The following PDE3A variants were observed in gnomAD, a reference collection of about 807,000 sequenced individuals.
PDE3A encodes phosphodiesterase 3A, also known as cGMP-inhibited 3',5'-cyclic phosphodiesterase 3A.
PDE3A carries 43 observed loss-of-function variants against 98.3 expected under a neutral mutation model. The ratio of observed to expected loss-of-function variants is 0.44; its 90% confidence interval spans 0.34 to 0.56. The LOEUF is 0.56. Ranked by LOEUF, PDE3A falls within the 20% of genes least tolerant of loss-of-function variation. PDE3A has a pLI of 0.01. For missense variants in PDE3A, 1,427 were observed against 1,440.7 expected, an observed-to-expected ratio of 0.99 and a Z score of 0.15; for synonymous variants, 663 against 567.9, an observed-to-expected ratio of 1.17 and a Z score of -2.38.
At chr12:20,534,149 G>A (rs1317126000) in intron 1 of PDE3A, among the ~76,000 whole-genome samples, 2 of 152,044 alleles carry the variant, frequency 1.3e-5, no homozygotes, top group Non-Finnish European at 2.9e-5. Context: ...TACTTTAAGG[G>A]TTATGATATT....
intron 15 of PDE3A, among the ~76,000 whole-genome samples, chr12:20,667,762 G>T (rs757409130): frequency 2.6e-5 from 4 of 152,072 alleles, no homozygotes; most frequent in Non-Finnish European, 5.9e-5. Flanking sequence ...CTCTTTTTTG[G>T]TTCCATAGAG....
At chr12:20,530,688 C>A (rs1946609291) in intron 1 of PDE3A, among the ~76,000 whole-genome samples, 1 of 151,796 alleles carries the variant, frequency 6.6e-6, no homozygotes, top group East Asian at 1.9e-4. Context: ...TCAACCATTT[C>A]CCCCTTTTCA....
rs1314328164 is a variant in PDE3A at position 20,681,158 on chromosome 12, G to A, written c.*887G>A. The A allele has an allele frequency of 6.6e-6, 1 of 152,118 alleles. No homozygotes were observed. The highest frequency in any genetic ancestry group is 2.1e-4 in the South Asian group (1 of 4,816). The allele number at this position is 152,118 out of a possible 1,614,324, so 9.4% of individuals were successfully genotyped here. On this transcript the variant is annotated 3_prime_UTR_variant, in exon 16 of 16. Transcript: ENST00000359062. ...CATTACTGCTATGCACCACTTGAAG[G>A]AGCTCTATCACCAGCCTCAAACCCG...
intron 1 of PDE3A, among the ~76,000 whole-genome samples, chr12:20,529,359 G>T (rs1044512515): frequency 6.6e-6 from 1 of 152,082 alleles, no homozygotes; most frequent in African/African-American, 2.4e-5. Context: ...TTATGTAGTT[G>T]AGAAAACTGA....
chr12:20,432,839 A>C (rs1436498671), intron 1 of PDE3A, among the ~76,000 whole-genome samples: 2 of 152,200 alleles, frequency 1.3e-5, no homozygotes, highest in Non-Finnish European at 2.9e-5. Context: ...GTTATGAAGT[A>C]ATCAAAATGT....
chr12:20,608,126 C>G (rs1481041518), intron 2 of PDE3A, among the ~76,000 whole-genome samples: 1 of 152,118 alleles, frequency 6.6e-6, no homozygotes, highest in Non-Finnish European at 1.5e-5. Flanking sequence ...TGTAGCTTAC[C>G]TGCTATTTAT....
At chr12:20,371,892 A>G (rs956154386) in intron 1 of PDE3A, among the ~76,000 whole-genome samples, 1 of 152,190 alleles carries the variant, frequency 6.6e-6, no homozygotes, top group African/African-American at 2.4e-5. Context: ...TATGTTCAGA[A>G]TACACTATTC....
intron 1 of PDE3A, among the ~76,000 whole-genome samples, chr12:20,394,973 C>T (rs1268728966): frequency 6.6e-6 from 1 of 151,926 alleles, no homozygotes; most frequent in Non-Finnish European, 1.5e-5. Flanking sequence ...GATTATTGTG[C>T]ATTTATTTTA....
intron 2 of PDE3A, among the ~76,000 whole-genome samples, chr12:20,563,597 G>A (rs545141054): frequency 3.9e-5 from 6 of 151,958 alleles, no homozygotes; most frequent in African/African-American, 1.2e-4. Flanking sequence ...ATCAATATTC[G>A]TTCAGAAATT....
chr12:20,449,151 A>G (rs1025157701), intron 1 of PDE3A, among the ~76,000 whole-genome samples: 8 of 152,218 alleles, frequency 5.3e-5, no homozygotes, highest in Non-Finnish European at 8.8e-5. Flanking sequence ...AGGACACTCC[A>G]GACCTAAATG....
intron 1 of PDE3A, among the ~76,000 whole-genome samples, chr12:20,413,741 A>G (rs774423673): frequency 2.6e-5 from 4 of 152,144 alleles, no homozygotes; most frequent in Non-Finnish European, 4.4e-5. Flanking sequence ...AGGGCCTATT[A>G]TGGTGTGATT....
At chr12:20,372,498 A>G (rs141400295) in intron 1 of PDE3A, among the ~76,000 whole-genome samples, 81 of 152,180 alleles carry the variant, frequency 5.3e-4, no homozygotes, top group African/African-American at 1.9e-3. Flanking sequence ...GTGGGTGGAA[A>G]CTAACACAGT....
At chr12:20,625,767 A>G (rs1019469028) in intron 5 of PDE3A, among the ~76,000 whole-genome samples, 4 of 152,222 alleles carry the variant, frequency 2.6e-5, no homozygotes, top group Non-Finnish European at 5.9e-5. Context: ...GCCCTCAGGA[A>G]CAAGGAATTA....
intron 2 of PDE3A, among the ~76,000 whole-genome samples, chr12:20,572,494 C>A (rs900325361): frequency 1.3e-5 from 2 of 152,020 alleles, no homozygotes; most frequent in African/African-American, 2.4e-5. Flanking sequence ...CTTTCCATCT[C>A]AGTAAAATAC....
intron 2 of PDE3A, among the ~76,000 whole-genome samples, chr12:20,585,656 T>G (rs10841572): frequency 0.19 from 28,652 of 151,842 alleles, 3,102 homozygotes; most frequent in South Asian, 0.35. Flanking sequence ...ATGAGATAAT[T>G]TGTGAAAATG....
At chr12:20,566,835 T>G (rs1342293719) in intron 2 of PDE3A, among the ~76,000 whole-genome samples, 1 of 151,966 alleles carries the variant, frequency 6.6e-6, no homozygotes, top group Non-Finnish European at 1.5e-5. Flanking sequence ...AATGATGATT[T>G]GGGTGACCGA....
rs867887331 is a variant in PDE3A, at chr12:20,680,819, G to C, written c.*548G>C. ...CATTATTTGAATTCTGATACATCCTGCCAACACTGTGTGTGTGTGTGTGTG... is the reference window on the plus strand; with the variant it reads ...CATTATTTGAATTCTGATACATCCTCCCAACACTGTGTGTGTGTGTGTGTG... On this transcript the variant is annotated 3_prime_UTR_variant, in exon 16 of 16. Transcript: ENST00000359062. 7.0e-6 allele frequency: 1 copy of C among 142,572 alleles called. No homozygotes were observed. The allele number at this position is 142,572 out of a possible 1,614,324, so 8.8% of individuals were successfully genotyped here. A position where few individuals can be genotyped will look rare whatever the true frequency, so the allele number is the denominator to read the frequency against.
chr12:20,679,863 A>AAACCAAG (rs1945725194), intron 15 of PDE3A, among the ~76,000 whole-genome samples, 167 bp from the exon 16 acceptor site: 2 of 144,400 alleles, frequency 1.4e-5, no homozygotes, highest in Admixed American at 7.3e-5. Context: ...TATAATATAC[A>AAACCAAG]GTATTATAAT....
intron 1 of PDE3A, among the ~76,000 whole-genome samples, chr12:20,431,088 G>T (rs1200910829): frequency 6.6e-6 from 1 of 152,038 alleles, no homozygotes; most frequent in Non-Finnish European, 1.5e-5. Context: ...TTTGTGGGAA[G>T]AAATATTATC....
Sources: allele counts gnomAD v4.1 joint callset (sites outside exome capture counted in the v4.1 genomes callset), GRCh38; gene constraint gnomAD v4.1.1; transcripts MANE v1.5; gene names NCBI Gene and HGNC (gene_info 2026-07-23, HGNC 2026-07-21).